JCAD: variants seen among roughly 807,000 people sequenced by gnomAD.
The protein encoded by JCAD is junctional cadherin 5-associated protein.
Under a neutral mutation model 98.0 loss-of-function variants are expected in JCAD, and 40 were observed. That is an observed-to-expected ratio of 0.41 (90% CI 0.32 to 0.53). The LOEUF is 0.53. JCAD is among the 20% of genes least tolerant of loss of function. The pLI, the probability that JCAD is intolerant of heterozygous loss-of-function variation, is 0.31. For synonymous variants in JCAD, 691 were observed against 682.3 expected, an observed-to-expected ratio of 1.01 and a Z score of -0.20; for missense variants, 1,705 against 1,738.1, an observed-to-expected ratio of 0.98 and a Z score of 0.34.
chr10:30,105,809 A>G (rs572925239), intron 1 of JCAD, among the ~76,000 whole-genome samples: 1 of 152,354 alleles, frequency 6.6e-6, no homozygotes, highest in East Asian at 1.9e-4. Context: ...GCTATGATAA[A>G]TTAGCATTGA....
At chr10:30,084,599 C>CT (rs1386565523) in intron 1 of JCAD, among the ~76,000 whole-genome samples, 4 of 152,166 alleles carry the variant, frequency 2.6e-5, no homozygotes, top group Non-Finnish European at 4.4e-5. Flanking sequence ...GGGAAGCTGG[C>CT]TTTTTTCCAC....
chr10:30,076,572 G>A (rs1359940447), intron 1 of JCAD, among the ~76,000 whole-genome samples: 3 of 152,216 alleles, frequency 2.0e-5, no homozygotes, highest in Middle Eastern at 3.4e-3. Flanking sequence ...GCTAGATATA[G>A]AAACAAGCCT....
chr10:30,029,914 TC>T lies in JCAD; in HGVS notation c.282-49del, dbSNP rs557255819. On this transcript the variant is annotated intron_variant, in intron 2 of 3. Transcript: ENST00000375377. ...CGTTAGGCACAGAAGAAACATGTCTTCATCTGCTTCTGTGACTGGCATTCGA... is the reference window on the plus strand; with the variant it reads ...CGTTAGGCACAGAAGAAACATGTCTTATCTGCTTCTGTGACTGGCATTCGA... 4.4e-5 allele frequency: 68 copies of T among 1,536,432 alleles called. No individual in the cohort carries two copies. In the African/African-American group the frequency reaches 8.5e-4, roughly 19 times the overall value.
intron 2 of JCAD, among the ~76,000 whole-genome samples, chr10:30,041,974 G>A (rs1445482060): frequency 1.3e-5 from 2 of 151,860 alleles, no homozygotes; most frequent in Admixed American, 6.6e-5. Context: ...TCCTCTTACT[G>A]TGTGTGTGTG....
At chr10:30,039,672 C>T (rs914959207) in intron 2 of JCAD, among the ~76,000 whole-genome samples, 4 of 152,160 alleles carry the variant, frequency 2.6e-5, no homozygotes, top group Admixed American at 6.5e-5. Context: ...AGTCCAGGCT[C>T]GGGGCACGTG....
At chr10:30,060,550 G>A (rs189250104), upstream of JCAD, among the ~76,000 whole-genome samples, 8 of 152,320 alleles carry the variant, frequency 5.3e-5, no homozygotes, top group Non-Finnish European at 1.2e-4. Context: ...GAGAGACAGG[G>A]AATGTTAGTT....
rs1183365746 is a variant in JCAD at position 30,034,297 on chromosome 10, T to C, written c.282-4431A>G. The stretch of plus-strand genomic sequence containing the variant: ...CTACTTCTACCCCCTGTTAACTTGT[T>C]AGGCAGTCATTTACAGCAAAGCTTA... On this transcript the variant is annotated intron_variant, in intron 2 of 3. Transcript: ENST00000375377. 2.0e-5 allele frequency among the ~76,000 whole-genome samples: 3 copies of C among 152,184 alleles called. No individual in the cohort carries two copies. In the East Asian group the frequency reaches 5.8e-4, roughly 29 times the overall value.
chr10:30,103,137 C>T (rs542196583), intron 1 of JCAD, among the ~76,000 whole-genome samples: 67 of 152,262 alleles, frequency 4.4e-4, no homozygotes, highest in African/African-American at 1.6e-3. Context: ...GCAAGATTTT[C>T]GCCTTTTTTA....
chr10:30,061,954 ATC>A (rs1012619642), upstream of JCAD, among the ~76,000 whole-genome samples: 2 of 152,178 alleles, frequency 1.3e-5, no homozygotes, highest in African/African-American at 4.8e-5. Flanking sequence ...TAGAACATTT[ATC>A]AGTCAGTGAA....
chr10:30,026,000 T>C, intron 3 of JCAD, 103 bp downstream of exon 3: 1 of 1,344,146 alleles, frequency 7.4e-7, no homozygotes, highest in Non-Finnish European at 1.1e-6. Context: ...AACTTGATCT[T>C]TTCTGAATAT....
At chr10:30,072,006 A>G (rs1837901039) in intron 1 of JCAD, among the ~76,000 whole-genome samples, 1 of 152,216 alleles carries the variant, frequency 6.6e-6, no homozygotes, top group Non-Finnish European at 1.5e-5. Flanking sequence ...AACCTCAGGA[A>G]ATCTTGATGG....
intron 2 of JCAD, among the ~76,000 whole-genome samples, chr10:30,042,588 C>A (rs931886231): frequency 6.6e-6 from 1 of 152,090 alleles, no homozygotes; most frequent in African/African-American, 2.4e-5. Flanking sequence ...AAAACAAGTA[C>A]CCGGAGACGC....
intron 2 of JCAD, among the ~76,000 whole-genome samples, chr10:30,035,092 G>A (rs1410713188): frequency 6.6e-6 from 1 of 152,126 alleles, no homozygotes; most frequent in Non-Finnish European, 1.5e-5. Context: ...TAGAGAAGGG[G>A]CTAAAATCCT....
intron 2 of JCAD, among the ~76,000 whole-genome samples, chr10:30,066,871 C>G (rs1173428737): frequency 6.6e-6 from 1 of 152,046 alleles, no homozygotes; most frequent in Non-Finnish European, 1.5e-5. Context: ...AAAATATGTG[C>G]TTGTAGTCCC....
chr10:30,106,288 G>A (rs1838579303), intron 1 of JCAD, among the ~76,000 whole-genome samples: 1 of 152,006 alleles, frequency 6.6e-6, no homozygotes, highest in South Asian at 2.1e-4. Flanking sequence ...AAAATTAACT[G>A]GGCATGATGG....
At chr10:30,030,011 A>G (rs1836958177) in intron 2 of JCAD, 145 bp from the exon 3 acceptor site, 4 of 971,600 alleles carry the variant, frequency 4.1e-6, no homozygotes, top group Non-Finnish European at 4.4e-6. Context: ...GAAAGAAAAC[A>G]TATCCCATTA....
intron 1 of JCAD, among the ~76,000 whole-genome samples, chr10:30,089,267 G>A (rs1442263700): frequency 6.6e-6 from 1 of 152,274 alleles, no homozygotes; most frequent in Non-Finnish European, 1.5e-5. Flanking sequence ...TGGGCTTCTG[G>A]CTCCAGTTCC....
At chr10:30,107,882 C>T (rs976001167) in intron 1 of JCAD, among the ~76,000 whole-genome samples, 1 of 152,176 alleles carries the variant, frequency 6.6e-6, no homozygotes, top group African/African-American at 2.4e-5. Context: ...GCCTAAAGAA[C>T]AGCTACCTTA....
intron 1 of JCAD, among the ~76,000 whole-genome samples, chr10:30,075,911 C>T (rs1057483506): frequency 1.3e-5 from 2 of 152,048 alleles, no homozygotes; most frequent in African/African-American, 4.8e-5. Flanking sequence ...AGCACTATTT[C>T]CAAGCATTGT....
Sources: allele counts gnomAD v4.1 joint callset (sites outside exome capture counted in the v4.1 genomes callset), GRCh38; gene constraint gnomAD v4.1.1; transcripts MANE v1.5; gene names NCBI Gene and HGNC (gene_info 2026-07-23, HGNC 2026-07-21).